Variants in ARHGAP8 observed in about 807,000 individuals in gnomAD.
ARHGAP8 encodes the protein rho GTPase-activating protein 8.
ARHGAP8 carries 62 observed loss-of-function variants against 46.1 expected under a neutral mutation model. The observed-to-expected ratio is 1.34, with a 90% CI of 1.10 to 1.66. ARHGAP8 has a LOEUF of 1.66. ARHGAP8 is among the 40% of genes most tolerant of loss of function. ARHGAP8 has a pLI of 0.00. For missense variants in ARHGAP8, 923 were observed against 568.4 expected (o/e 1.62, Z -6.34); for synonymous variants, 375 against 243.1 (o/e 1.54, Z -5.05).
chr22:44,826,453 C>T (rs1000725153), intron 7 of ARHGAP8, among the ~76,000 whole-genome samples: 1 of 152,168 alleles, frequency 6.6e-6, no homozygotes, highest in Non-Finnish European at 1.5e-5. Context: ...GGAACAGAGT[C>T]TTGCTCTGCT....
Position 44,857,523 on chromosome 22 carries a change from T to C in ARHGAP8, c.878-2208T>C, listed in dbSNP as rs149154097. 5.8e-3 allele frequency among the ~76,000 whole-genome samples: 878 copies of C among 152,158 alleles called. 13 individuals are homozygous for C. Among genetic ancestry groups the C allele is most frequent in the East Asian group, 0.039 (202 of 5,170 alleles). On this transcript the variant is annotated intron_variant, in intron 10 of 11. Coordinates refer to ENST00000356099, the MANE Select transcript of ARHGAP8 (RefSeq NM_181335.3). ...TCGTAAGGAAACGAAGGCCCAGAGA[T>C]CCAGTCCACTGAGTGTGCTGATGCC... is the stretch of plus-strand genomic sequence containing the variant.
At chr22:44,824,810 T>A (rs1930394526) in intron 6 of ARHGAP8, among the ~76,000 whole-genome samples, 1 of 151,844 alleles carries the variant, frequency 6.6e-6, no homozygotes, top group South Asian at 2.1e-4. Flanking sequence ...TTTTTGTATT[T>A]TCAGTAGAGA....
At position 44,862,573 on chromosome 22, in the gene ARHGAP8, T is replaced by G. The variant is rs755270704; in HGVS notation, c.1280T>G (p.Met427Arg). The change falls in exon 12 of 12, where the codon ATG becomes AGG. Residue 427 changes from methionine (M) to arginine (R), a missense_variant. Met to Arg is a moderately conservative substitution (Grantham distance 91, BLOSUM62 -1). Coordinates refer to ENST00000356099, the MANE Select transcript of ARHGAP8 (RefSeq NM_181335.3). ...CCTACCCTACCTCCGAGTCCCCTGA[T>G]GGCAGCCAGAAGACGTCTCTAGTGT... ...TKPTLPPSPL[M>R]AARRRL 48 of 1,590,790 alleles carry G rather than the reference T, an allele frequency of 3.0e-5. No individual in the cohort carries two copies. Among genetic ancestry groups the G allele is most frequent in the Non-Finnish European group, 3.7e-5 (43 of 1,163,394 alleles).
chr22:44,784,767 G>A (rs1170961820), intron 1 of ARHGAP8, among the ~76,000 whole-genome samples: 1 of 152,232 alleles, frequency 6.6e-6, no homozygotes, highest in Non-Finnish European at 1.5e-5. Flanking sequence ...CTCACTGGGA[G>A]GCCTCTGTTC....
At chr22:44,857,736 C>A (rs1457733125) in intron 10 of ARHGAP8, among the ~76,000 whole-genome samples, 2 of 152,158 alleles carry the variant, frequency 1.3e-5, no homozygotes. Flanking sequence ...TCAGAGAGTC[C>A]TCGAGGCCCA....
chr22:44,821,737 C>G (rs913412891), intron 5 of ARHGAP8, among the ~76,000 whole-genome samples: 2 of 152,206 alleles, frequency 1.3e-5, no homozygotes, highest in African/African-American at 2.4e-5. Context: ...AGGGAGAACC[C>G]CCACTTTCAG....
intron 7 of ARHGAP8, among the ~76,000 whole-genome samples, chr22:44,835,545 G>T (rs67373686): frequency 6.6e-6 from 1 of 152,004 alleles, no homozygotes; most frequent in Non-Finnish European, 1.5e-5. Flanking sequence ...CACTTGAACC[G>T]GGGAGGCGGA....
chr22:44,756,281 G>A (rs1000946058), intron 1 of ARHGAP8, among the ~76,000 whole-genome samples: 2 of 152,038 alleles, frequency 1.3e-5, no homozygotes, highest in Admixed American at 6.6e-5. Flanking sequence ...GGGGCAGTGG[G>A]TTTTTCTGGG....
rs540595088 is a variant in ARHGAP8, at chr22:44,756,503, T to G, written c.-72+3876T>G. On this transcript the variant is annotated intron_variant, in intron 1 of 11. Transcript: ENST00000356099. ...TGGAGAATTTTAGACACTCAAATGA[T>G]GTACAATGAGCCGCCATCTCCCAGC... is the stretch of plus-strand genomic sequence containing the variant. 2.0e-5 allele frequency among the ~76,000 whole-genome samples: 3 copies of G among 152,218 alleles called. No homozygotes were observed. The South Asian group carries it at 6.2e-4, about 32-fold the overall frequency.
Position 44,849,000 on chromosome 22 carries a change from C to T in ARHGAP8, c.817C>T (p.Arg273Ter), listed in dbSNP as rs549516595. The change falls in exon 10 of 12, where the codon CGA becomes TGA. Residue 273 changes from arginine (R) to a stop codon, truncating the protein, a stop_gained. Coordinates refer to ENST00000356099, the MANE Select transcript of ARHGAP8 (RefSeq NM_181335.3). LOFTEE classifies it high-confidence loss of function. ...IPAVILKTFL[R>*]ELPQPLLTFQ... is the part of the protein sequence containing the mutation. Reference sequence around the variant, plus strand: ...TGCCGTGATCCTGAAGACCTTCCTGCGAGAGCTGCCCCAGCCGCTTCTGAC... The same window carrying T: ...TGCCGTGATCCTGAAGACCTTCCTGTGAGAGCTGCCCCAGCCGCTTCTGAC... 11 of 1,614,072 alleles carry T rather than the reference C, an allele frequency of 6.8e-6. No homozygotes were observed. The highest frequency in any genetic ancestry group is 3.3e-5 in the Admixed American group (2 of 60,024).
At chr22:44,852,183 C>G (rs1440165125) in intron 10 of ARHGAP8, among the ~76,000 whole-genome samples, 1 of 77,862 alleles carries the variant, frequency 1.3e-5, no homozygotes, top group Non-Finnish European at 2.2e-5. Flanking sequence ...CAGAGTGAGA[C>G]TTTGTCAAAA....
At chr22:44,806,852 T>C (rs1928958437) in intron 3 of ARHGAP8, among the ~76,000 whole-genome samples, 1 of 151,096 alleles carries the variant, frequency 6.6e-6, no homozygotes, top group African/African-American at 2.4e-5. Context: ...TAGTCCCAGC[T>C]ACTCAGGAGG....
chr22:44,805,230 G>T (rs1434464342), intron 3 of ARHGAP8, among the ~76,000 whole-genome samples: 1 of 152,198 alleles, frequency 6.6e-6, no homozygotes, highest in Non-Finnish European at 1.5e-5. Context: ...ATGAGCTCAC[G>T]ATTTGCTGTT....
intron 7 of ARHGAP8, among the ~76,000 whole-genome samples, chr22:44,831,860 G>A (rs900107123): frequency 6.6e-6 from 1 of 152,124 alleles, no homozygotes. Context: ...GATTACTGTA[G>A]CTTTGTAGTA....
chr22:44,787,902 T>C (rs1183591410), intron 2 of ARHGAP8, among the ~76,000 whole-genome samples: 1 of 148,928 alleles, frequency 6.7e-6, no homozygotes, highest in Non-Finnish European at 1.5e-5. Flanking sequence ...ACTCAGTCAT[T>C]TGAAGCCCCA....
intron 7 of ARHGAP8, among the ~76,000 whole-genome samples, chr22:44,841,672 C>T (rs1016010430): frequency 6.6e-6 from 1 of 152,190 alleles, no homozygotes; most frequent in Non-Finnish European, 1.5e-5. Flanking sequence ...AGCAGGGGCT[C>T]GGCCCACCTC....
chr22:44,792,124 G>T (rs954182476), intron 2 of ARHGAP8, among the ~76,000 whole-genome samples: 1 of 151,598 alleles, frequency 6.6e-6, no homozygotes, highest in Non-Finnish European at 1.5e-5. Flanking sequence ...GCGATTCTCT[G>T]CCTCAGCCTC....
At chr22:44,859,648 C>G (rs780384483) in intron 10 of ARHGAP8, 83 bp from the exon 11 acceptor site, 1 of 1,467,428 alleles carries the variant, frequency 6.8e-7, no homozygotes, top group African/African-American at 1.4e-5. Flanking sequence ...GTCCTTCCTA[C>G]ACCCCTGTTC....
chr22:44,853,717 A>G (rs936306039), intron 10 of ARHGAP8, among the ~76,000 whole-genome samples: 2 of 152,160 alleles, frequency 1.3e-5, no homozygotes, highest in Non-Finnish European at 2.9e-5. Context: ...TCTTGAGGCT[A>G]GAAAGCCAAG....
Sources: allele counts gnomAD v4.1 joint callset (sites outside exome capture counted in the v4.1 genomes callset), GRCh38; gene constraint gnomAD v4.1.1; transcripts MANE v1.5; gene names NCBI Gene and HGNC (gene_info 2026-07-23, HGNC 2026-07-21).